Variants in NALCN observed in about 807,000 individuals in gnomAD.
The protein encoded by NALCN is sodium leak channel, non-selective, also known as sodium leak channel NALCN.
In NALCN, 111 loss-of-function variants were observed where a neutral mutation model predicts 225.3. The observed-to-expected ratio is 0.49, with a 90% CI of 0.42 to 0.58. The LOEUF (loss-of-function observed/expected upper bound fraction) is 0.58, where lower values mean the gene tolerates loss of function less well. Ranked by LOEUF, NALCN falls within the 20% of genes least tolerant of loss-of-function variation. The pLI is 0.00. For synonymous variants in NALCN, 764 were observed against 769.0 expected (o/e 0.99, Z 0.11); for missense variants, 1,378 against 2,202.4 (o/e 0.63, Z 7.49).
chr13:101,357,774 G>A (rs139317241), intron 6 of NALCN, among the ~76,000 whole-genome samples: 24 of 152,230 alleles, frequency 1.6e-4, no homozygotes, highest in African/African-American at 5.5e-4. Context: ...CATGCTACCT[G>A]ACTTCAAACT....
At chr13:101,342,054 T>C (rs912535505) in intron 7 of NALCN, among the ~76,000 whole-genome samples, 6 of 152,170 alleles carry the variant, frequency 3.9e-5, no homozygotes, top group Non-Finnish European at 8.8e-5. Context: ...GAGAAATAAA[T>C]TTCTCTTGGT....
At chr13:101,294,565 T>TA (rs1448737916) in intron 7 of NALCN, among the ~76,000 whole-genome samples, 1 of 147,156 alleles carries the variant, frequency 6.8e-6, no homozygotes, top group Non-Finnish European at 1.5e-5. Context: ...TGTTTCTTTT[T>TA]TTTTTTTTTT....
chr13:101,147,779 A>G (rs2037428387), intron 15 of NALCN, among the ~76,000 whole-genome samples: 1 of 151,774 alleles, frequency 6.6e-6, no homozygotes, highest in African/African-American at 2.4e-5. Context: ...AGCTAGCTCT[A>G]TCCCCACACC....
intron 13 of NALCN, among the ~76,000 whole-genome samples, chr13:101,202,545 ATCTC>A (rs1441406427): frequency 2.0e-5 from 3 of 152,088 alleles, no homozygotes; most frequent in Non-Finnish European, 4.4e-5. Context: ...TTCAAATTCC[ATCTC>A]TCTGTCTTTT....
At chr13:101,266,657 T>C (rs1389531311) in intron 10 of NALCN, among the ~76,000 whole-genome samples, 1 of 152,234 alleles carries the variant, frequency 6.6e-6, no homozygotes, top group Non-Finnish European at 1.5e-5. Flanking sequence ...TGTGTTTTAA[T>C]TGGATTTTGA....
At chr13:101,368,161 A>C (rs1594750338) in intron 6 of NALCN, among the ~76,000 whole-genome samples, 4 of 90,210 alleles carry the variant, frequency 4.4e-5, no homozygotes, top group African/African-American at 9.2e-5. Context: ...CCCTCCCCCC[A>C]CCCCACAACA....
chr13:101,260,280 T>C (rs1241483286), intron 10 of NALCN, among the ~76,000 whole-genome samples: 1 of 152,250 alleles, frequency 6.6e-6, no homozygotes, highest in African/African-American at 2.4e-5. Context: ...CGTCTGTTGA[T>C]GGACACTTAG....
intron 34 of NALCN, among the ~76,000 whole-genome samples, chr13:101,077,837 C>A (rs1354913849): frequency 2.6e-5 from 4 of 152,334 alleles, no homozygotes; most frequent in African/African-American, 7.2e-5. Flanking sequence ...GAGACCTTCA[C>A]AGCAGCCCCT....
rs1211507868 is a variant in NALCN at position 101,084,942 on chromosome 13, A to G, written c.3490-1138T>C. Among the ~76,000 whole-genome samples the G allele has an allele frequency of 2.6e-5, 4 of 152,314 alleles. No homozygotes were observed. The East Asian group carries it at 7.7e-4, about 29-fold the overall frequency. On this transcript the variant is annotated intron_variant, in intron 30 of 43. Transcript: ENST00000251127. ...CTACCAGCAATACACAGGTGTTACC[A>G]TATCCTAATATTCTTGCAATACTTG...
chr13:101,207,772 G>C (rs1002673182), intron 13 of NALCN, among the ~76,000 whole-genome samples: 4 of 152,204 alleles, frequency 2.6e-5, no homozygotes, highest in African/African-American at 9.6e-5. Context: ...GGGAATAAAA[G>C]CAGACCACCC....
At chr13:101,148,596 A>T (rs115881729) in intron 15 of NALCN, among the ~76,000 whole-genome samples, 7 of 152,322 alleles carry the variant, frequency 4.6e-5, no homozygotes, top group African/African-American at 1.7e-4. Flanking sequence ...GACCCCTTGC[A>T]CAACAGTTCT....
chr13:101,233,232 C>T (rs1316873667), intron 12 of NALCN, among the ~76,000 whole-genome samples: 4 of 152,158 alleles, frequency 2.6e-5, no homozygotes, highest in Non-Finnish European at 1.5e-5. Flanking sequence ...TTCCTGGTCA[C>T]ATTTCTGAGT....
chr13:101,192,499 CTATCA>C (rs1388443384), intron 13 of NALCN, among the ~76,000 whole-genome samples: 13 of 151,986 alleles, frequency 8.6e-5, no homozygotes. Context: ...TGGTACCTTT[CTATCA>C]TATTATTTTA....
chr13:101,093,406 G>A lies in NALCN; in HGVS notation c.3269+2168C>T, dbSNP rs181489915. On this transcript the variant is annotated intron_variant, in intron 28 of 43. Transcript: ENST00000251127. The stretch of plus-strand genomic sequence containing the variant: ...AACTCTTGATTAGCTTACTTAAGAA[G>A]GAAAGTGTAAAAAGTTATCATGGTT... 1.1e-3 allele frequency among the ~76,000 whole-genome samples: 169 copies of A among 152,210 alleles called. 1 individual carries two copies. Among genetic ancestry groups the A allele is most frequent in the Non-Finnish European group, 2.1e-4 (14 of 68,008 alleles).
intron 9 of NALCN, among the ~76,000 whole-genome samples, chr13:101,291,402 G>A (rs1203739026): frequency 6.6e-6 from 1 of 152,128 alleles, no homozygotes; most frequent in Admixed American, 6.5e-5. Flanking sequence ...AGAATCAAAG[G>A]TATGTAATAA....
intron 41 of NALCN, among the ~76,000 whole-genome samples, chr13:101,060,906 G>T (rs577553235): frequency 6.6e-6 from 1 of 152,200 alleles, no homozygotes; most frequent in South Asian, 2.1e-4. Flanking sequence ...ACATCACTGG[G>T]CAGCTGGCCT....
intron 17 of NALCN, among the ~76,000 whole-genome samples, chr13:101,131,637 T>C (rs2036526047): frequency 6.6e-6 from 1 of 152,188 alleles, no homozygotes; most frequent in South Asian, 2.1e-4. Context: ...GAAGATGTTC[T>C]ACCATTCCAT....
chr13:101,214,263 G>A (rs2040638579), intron 13 of NALCN, among the ~76,000 whole-genome samples: 2 of 151,310 alleles, frequency 1.3e-5, no homozygotes, highest in Non-Finnish European at 2.9e-5. Context: ...TTTGGACACA[G>A]GGTGGGGAAT....
Position 101,376,132 on chromosome 13 carries a change from A to G in NALCN, c.644+568T>C, listed in dbSNP as rs57828893. On this transcript the variant is annotated intron_variant, in intron 6 of 43. Coordinates refer to ENST00000251127, the MANE Select transcript of NALCN (RefSeq NM_052867.4). ...AACTATTTTAGGGAATGATGACAAA[A>G]GTAAATAATAATAAAAATGAGCTTT... 9.0e-3 allele frequency among the ~76,000 whole-genome samples: 1,365 copies of G among 152,302 alleles called. 17 individuals carry two copies. Among genetic ancestry groups the G allele is most frequent in the African/African-American group, 0.025 (1,056 of 41,554 alleles).
Sources: gnomAD v4.1 joint callset for allele counts (sites outside exome capture counted in the v4.1 genomes callset) on GRCh38, gnomAD v4.1.1 for gene constraint, MANE v1.5 for transcripts, NCBI Gene and HGNC (gene_info 2026-07-23, HGNC 2026-07-21) for gene names.